The following DENND1B variants were observed in gnomAD, a reference collection of about 807,000 sequenced individuals.
DENND1B encodes the protein DENN domain containing 1B.
Under a neutral mutation model 90.1 loss-of-function variants are expected in DENND1B, and 59 were observed. The observed-to-expected ratio is 0.65, with a 90% CI of 0.53 to 0.81. DENND1B has a LOEUF of 0.81. DENND1B is among the 40% of genes least tolerant of loss of function. The probability of loss-of-function intolerance (pLI) is 0.00; values close to 1 mark genes in which losing one functional copy is unlikely to be tolerated. For missense variants in DENND1B, 862 were observed against 912.6 expected, an observed-to-expected ratio of 0.94 and a Z score of 0.71; for synonymous variants, 337 against 324.6, an observed-to-expected ratio of 1.04 and a Z score of -0.41.
At chr1:197,677,743 T>TCA (rs1472909599) in intron 3 of DENND1B, among the ~76,000 whole-genome samples, 1 of 152,170 alleles carries the variant, frequency 6.6e-6, no homozygotes, top group Non-Finnish European at 1.5e-5. Context: ...AGTAACTACA[T>TCA]CAGTTAAGGG....
intron 16 of DENND1B, among the ~76,000 whole-genome samples, chr1:197,548,682 C>T (rs1364170387): frequency 6.6e-6 from 1 of 152,050 alleles, no homozygotes; most frequent in Non-Finnish European, 1.5e-5. Flanking sequence ...AAAACTCCCT[C>T]TAAGACTGCT....
intron 2 of DENND1B, among the ~76,000 whole-genome samples, chr1:197,753,144 GA>G (rs1325175366): frequency 6.6e-6 from 1 of 151,972 alleles, no homozygotes; most frequent in Non-Finnish European, 1.5e-5. Flanking sequence ...TGTTAAATTG[GA>G]AAAATATCAA....
At chr1:197,637,864 T>TTAATA (rs1679932557) in intron 10 of DENND1B, among the ~76,000 whole-genome samples, 1 of 152,182 alleles carries the variant, frequency 6.6e-6, no homozygotes, top group Non-Finnish European at 1.5e-5. Flanking sequence ...TTAATAACCT[T>TTAATA]AACTAGGAAG....
intron 10 of DENND1B, among the ~76,000 whole-genome samples, chr1:197,622,968 C>G (rs995472728): frequency 2.6e-5 from 4 of 151,208 alleles, no homozygotes; most frequent in Non-Finnish European, 5.9e-5. Context: ...AGTATAATCA[C>G]CACTATGAAA....
At chr1:197,775,970 C>CCTGAACAGGA (rs1657245969), upstream of DENND1B, among the ~76,000 whole-genome samples, 4 of 152,198 alleles carry the variant, frequency 2.6e-5, no homozygotes, top group East Asian at 7.7e-4. Flanking sequence ...AATGTTCAGA[C>CCTGAACAGGA]ATGTGCACCT....
At chr1:197,733,022 T>G (rs1018971423) in intron 2 of DENND1B, among the ~76,000 whole-genome samples, 24 of 152,186 alleles carry the variant, frequency 1.6e-4, no homozygotes, top group African/African-American at 5.1e-4. Context: ...TCCTACTTCT[T>G]TATTTCTATA....
At chr1:197,621,972 G>A (rs1678211571) in intron 10 of DENND1B, among the ~76,000 whole-genome samples, 2 of 151,356 alleles carry the variant, frequency 1.3e-5, no homozygotes, top group Admixed American at 1.3e-4. Flanking sequence ...ATGCAAAATA[G>A]AAACATTGGT....
intron 10 of DENND1B, among the ~76,000 whole-genome samples, chr1:197,640,676 A>C (rs1680193660): frequency 6.6e-6 from 1 of 152,178 alleles, no homozygotes; most frequent in Non-Finnish European, 1.5e-5. Context: ...GGTCATTAAG[A>C]GGTGGATATA....
At chr1:197,748,240 T>C (rs1188061983) in intron 2 of DENND1B, among the ~76,000 whole-genome samples, 2 of 98,534 alleles carry the variant, frequency 2.0e-5, no homozygotes, top group African/African-American at 8.0e-5. Flanking sequence ...TTATCAGACA[T>C]GCAAGGAATC....
chr1:197,753,667 T>C (rs539452249), intron 2 of DENND1B, among the ~76,000 whole-genome samples: 1 of 152,066 alleles, frequency 6.6e-6, no homozygotes, highest in African/African-American at 2.4e-5. Flanking sequence ...GGGAAAACTC[T>C]TTACATGCAA....
At chr1:197,781,980 A>G in the DENND1B span, among the ~76,000 whole-genome samples, 1 of 152,094 alleles carries the variant, frequency 6.6e-6, no homozygotes, top group Non-Finnish European at 1.5e-5. Flanking sequence ...TTGTAAATAA[A>G]TTTTCTTACC....
At chr1:197,693,318 G>T (rs1384271524) in intron 3 of DENND1B, among the ~76,000 whole-genome samples, 1 of 151,442 alleles carries the variant, frequency 6.6e-6, no homozygotes, top group Admixed American at 6.6e-5. Context: ...TTGTTAAAAG[G>T]TAACAAAATA....
At chr1:197,736,057 A>G (rs1662650388) in intron 2 of DENND1B, 1 of 853,274 alleles carries the variant, frequency 1.2e-6, no homozygotes, top group Non-Finnish European at 2.0e-6. Context: ...ACCTAAGTAA[A>G]TGATTGTGAA....
intron 15 of DENND1B, among the ~76,000 whole-genome samples, chr1:197,572,658 T>G (rs1379246781): frequency 6.6e-6 from 1 of 152,124 alleles, no homozygotes; most frequent in African/African-American, 2.4e-5. Flanking sequence ...CACCTCCCAG[T>G]AGGGGCTAAC....
chr1:197,605,238 TA>T (rs1201498307), intron 13 of DENND1B, among the ~76,000 whole-genome samples: 1 of 151,044 alleles, frequency 6.6e-6, no homozygotes, highest in Non-Finnish European at 1.5e-5. Flanking sequence ...GAATATTATT[TA>T]CTTCTCCATA....
rs1667848723 is a variant in DENND1B at position 197,508,847 on chromosome 1, C to G, written c.*1613G>C. On this transcript the variant is annotated 3_prime_UTR_variant, in exon 23 of 23. Transcript: ENST00000620048. ...CTAGTCTATCATGAAGTAATTAGTA[C>G]ATGATTCCTTCTCAGATGAATTCCA... 1 of 151,660 alleles carries G rather than the reference C, an allele frequency of 6.6e-6. No individual in the cohort carries two copies. Among genetic ancestry groups the G allele is most frequent in the Non-Finnish European group, 1.5e-5 (1 of 67,814 alleles). The allele number at this position is 151,660 out of a possible 1,614,324, so 9.4% of individuals were successfully genotyped here. A position where few individuals can be genotyped will look rare whatever the true frequency, so the allele number is the denominator to read the frequency against.
At chr1:197,600,413 C>T (rs1386607847) in intron 13 of DENND1B, among the ~76,000 whole-genome samples, 1 of 151,692 alleles carries the variant, frequency 6.6e-6, no homozygotes, top group Admixed American at 6.6e-5. Flanking sequence ...AGTTGAGGAA[C>T]ATGACATTTT....
intron 2 of DENND1B, among the ~76,000 whole-genome samples, chr1:197,753,890 C>T (rs1653904445): frequency 6.6e-6 from 1 of 151,990 alleles, no homozygotes; most frequent in African/African-American, 2.4e-5. Context: ...GTCCCAGCTA[C>T]TCAGGAGGCT....
rs1302654798 is a variant in DENND1B at position 197,510,750 on chromosome 1, G to A, written c.2038C>T (p.Pro680Ser). 6.2e-7 allele frequency: 1 copy of A among 1,612,502 alleles called. No individual in the cohort carries two copies. Among genetic ancestry groups the A allele is most frequent in the African/African-American group, 1.3e-5 (1 of 74,728 alleles). The change falls in exon 23 of 23, where the codon CCT becomes TCT. Residue 680 changes from proline to serine, a missense_variant. By Grantham distance (74) the Pro-to-Ser change is moderately conservative. Transcript: ENST00000620048. ...KHLGADNVSD[P>S]TSGLDFQLTS... ...AGTTGGAAATCCAGTCCTGAAGTAG[G>A]GTCACTCACATTGTCAGCACCGAGG...
Sources: allele counts gnomAD v4.1 joint callset (sites outside exome capture counted in the v4.1 genomes callset), GRCh38; gene constraint gnomAD v4.1.1; transcripts MANE v1.5; gene names NCBI Gene and HGNC (gene_info 2026-07-23, HGNC 2026-07-21).